FAM162A: variants seen among roughly 807,000 people sequenced by gnomAD.
The protein encoded by FAM162A is family with sequence similarity 162 member A, also known as protein FAM162A.
In FAM162A, 23 loss-of-function variants were observed where a neutral mutation model predicts 21.8. That is an observed-to-expected ratio of 1.05 (90% CI 0.76 to 1.49). The LOEUF (loss-of-function observed/expected upper bound fraction) is 1.49. FAM162A is among the 40% of genes most tolerant of loss of function. The probability of loss-of-function intolerance (pLI) is 0.00; values close to 1 mark genes in which losing one functional copy is unlikely to be tolerated. For synonymous variants in FAM162A, 53 were observed against 61.3 expected (o/e 0.86, Z 0.64); for missense variants, 165 against 186.4 (o/e 0.89, Z 0.67).
chr3:122,407,054 A>G (rs909017436), intron 3 of FAM162A, among the ~76,000 whole-genome samples: 1 of 147,652 alleles, frequency 6.8e-6, no homozygotes, highest in African/African-American at 2.5e-5. Flanking sequence ...TTTTGTACTT[A>G]ATTGTGTGCT....
At chr3:122,409,350 A>G (rs2075692743) in intron 4 of FAM162A, among the ~76,000 whole-genome samples, 1 of 152,182 alleles carries the variant, frequency 6.6e-6, no homozygotes, top group Non-Finnish European at 1.5e-5. Context: ...TAAGTTGGGG[A>G]AGGAGAAATG....
chr3:122,398,180 C>T (rs1467414650), intron 1 of FAM162A, among the ~76,000 whole-genome samples: 1 of 152,170 alleles, frequency 6.6e-6, no homozygotes. Flanking sequence ...ATTTATTCCA[C>T]ATTTTCTGCA....
chr3:122,409,843 G>A lies in FAM162A; in HGVS notation c.*12G>A, dbSNP rs201123600. On this transcript the variant is annotated 3_prime_UTR_variant, in exon 5 of 5. Coordinates refer to ENST00000477892, the MANE Select transcript of FAM162A (RefSeq NM_014367.4). ...CCAAAACAGAGTAGCAGAGGTATCC[G>A]TGTTGGCTGGATTTTGAAAATCCAG... is the stretch of plus-strand genomic sequence containing the variant. The A allele has an allele frequency of 5.3e-5, 85 of 1,609,992 alleles. No individual in the cohort carries two copies. Among genetic ancestry groups the A allele is most frequent in the Admixed American group, 1.7e-4 (10 of 59,978 alleles).
chr3:122,407,186 A>C, intron 3 of FAM162A, 95 bp from the exon 4 acceptor site: 1 of 919,004 alleles, frequency 1.1e-6, no homozygotes, highest in Non-Finnish European at 1.7e-6. Context: ...TATAGACACT[A>C]CTACATTTTG....
chr3:122,396,674 T>G (rs952290683), intron 1 of FAM162A, among the ~76,000 whole-genome samples: 2 of 152,190 alleles, frequency 1.3e-5, no homozygotes, highest in African/African-American at 4.8e-5. Flanking sequence ...CAAAAACTTG[T>G]ACACAAATGT....
chr3:122,388,505 G>T (rs188397743), intron 1 of FAM162A, among the ~76,000 whole-genome samples: 8 of 152,300 alleles, frequency 5.3e-5, no homozygotes, highest in Non-Finnish European at 1.5e-5. Flanking sequence ...GAATGGAGGA[G>T]TCCTTCCAGA....
At chr3:122,406,466 T>G (rs185180946) in intron 3 of FAM162A, among the ~76,000 whole-genome samples, 1 of 152,354 alleles carries the variant, frequency 6.6e-6, no homozygotes, top group East Asian at 1.9e-4. Flanking sequence ...GATTGGCCTT[T>G]AGACTCTTCT....
intron 1 of FAM162A, among the ~76,000 whole-genome samples, chr3:122,397,578 G>T (rs1049092352): frequency 2.9e-4 from 44 of 152,044 alleles, no homozygotes; most frequent in Non-Finnish European, 5.4e-4. Context: ...GGACTCAGGG[G>T]CTCTTAGGTG....
intron 4 of FAM162A, among the ~76,000 whole-genome samples, chr3:122,408,372 A>G (rs906273473): frequency 1.4e-4 from 21 of 152,232 alleles, no homozygotes; most frequent in African/African-American, 5.1e-4. Flanking sequence ...AATTCTATAT[A>G]TCACAGCTTC....
intron 1 of FAM162A, among the ~76,000 whole-genome samples, chr3:122,388,661 C>G (rs1318838228): frequency 2.0e-5 from 3 of 152,042 alleles, no homozygotes; most frequent in African/African-American, 7.3e-5. Flanking sequence ...TGTAAGGAGG[C>G]ATTGAATCCT....
rs2075682785 is a variant in FAM162A, at chr3:122,407,576, T to C, written c.372+187T>C. On this transcript the variant is annotated intron_variant, in intron 4 of 4. Coordinates refer to ENST00000477892, the MANE Select transcript of FAM162A (RefSeq NM_014367.4). The stretch of plus-strand genomic sequence containing the variant: ...CTGGAATATCATCCTTGGGGATAGA[T>C]AGCAAATCCTAACTTTGGCGTGGTG... 9.9e-6 allele frequency: 5 copies of C among 504,314 alleles called. No homozygotes were observed. The South Asian group carries it at 1.1e-4, about 11-fold the overall frequency. The allele number at this position is 504,314 out of a possible 1,614,324, so 31.2% of individuals were successfully genotyped here.
intron 1 of FAM162A, among the ~76,000 whole-genome samples, chr3:122,389,381 G>GGATAGATA (rs61431402): frequency 0.012 from 1,748 of 145,326 alleles, 5 homozygotes; most frequent in Middle Eastern, 0.035. Context: ...TAGTATAGAT[G>GGATAGATA]GATAGATAGA....
At chr3:122,390,297 A>G (rs911613319) in intron 1 of FAM162A, among the ~76,000 whole-genome samples, 2 of 152,172 alleles carry the variant, frequency 1.3e-5, no homozygotes, top group Non-Finnish European at 2.9e-5. Flanking sequence ...TCAAGCCTGC[A>G]GGGAAGGATG....
intron 1 of FAM162A, among the ~76,000 whole-genome samples, chr3:122,386,746 A>G (rs2075576229): frequency 6.6e-6 from 1 of 152,200 alleles, no homozygotes; most frequent in African/African-American, 2.4e-5. Context: ...TATAGCAAAC[A>G]TAATGTAGGC....
intron 4 of FAM162A, among the ~76,000 whole-genome samples, chr3:122,408,296 C>T (rs777399241): frequency 2.6e-5 from 4 of 152,194 alleles, no homozygotes; most frequent in Non-Finnish European, 5.9e-5. Context: ...TACTATCTTG[C>T]TATTAAGCCA....
chr3:122,404,198 G>A lies in FAM162A; in HGVS notation c.158-60G>A, dbSNP rs980236162. The A allele has an allele frequency of 6.8e-6, 5 of 734,574 alleles. No homozygotes were observed. In the African/African-American group the frequency reaches 9.1e-5, roughly 13 times the overall value. The allele number at this position is 734,574 out of a possible 1,614,324, so 45.5% of individuals were successfully genotyped here. A position where few individuals can be genotyped will look rare whatever the true frequency, so the allele number is the denominator to read the frequency against. On this transcript the variant is annotated intron_variant, in intron 2 of 4. Transcript: ENST00000477892. ...AAAGCACTAATACCATTTTTCTGTTGTTAAATTTGAGAGTTATAATCTCAA... is the reference window on the plus strand; with the variant it reads ...AAAGCACTAATACCATTTTTCTGTTATTAAATTTGAGAGTTATAATCTCAA...
intron 1 of FAM162A, among the ~76,000 whole-genome samples, chr3:122,388,129 C>T (rs1212867248): frequency 6.6e-6 from 1 of 152,106 alleles, no homozygotes; most frequent in Non-Finnish European, 1.5e-5. Flanking sequence ...TTGCTGCTAC[C>T]TATGAAGATA....
intron 1 of FAM162A, among the ~76,000 whole-genome samples, chr3:122,397,108 A>G (rs1237312169): frequency 6.6e-6 from 1 of 152,242 alleles, no homozygotes; most frequent in Non-Finnish European, 1.5e-5. Context: ...GGAATTATGT[A>G]TCAATAAAAG....
intron 1 of FAM162A, among the ~76,000 whole-genome samples, chr3:122,395,506 T>C (rs1379894196): frequency 6.6e-6 from 1 of 152,092 alleles, no homozygotes; most frequent in East Asian, 1.9e-4. Flanking sequence ...ACTCTGGAAA[T>C]TGCAAAAACA....
Sources: allele counts gnomAD v4.1 joint callset (sites outside exome capture counted in the v4.1 genomes callset), GRCh38; gene constraint gnomAD v4.1.1; transcripts MANE v1.5; gene names NCBI Gene and HGNC (gene_info 2026-07-23, HGNC 2026-07-21).